Variants in ZBTB7C observed in about 807,000 individuals in gnomAD.
ZBTB7C encodes the protein zinc finger and BTB domain containing 7C.
Under a neutral mutation model 25.7 loss-of-function variants are expected in ZBTB7C, and 8 were observed. That is an observed-to-expected ratio of 0.31 (90% CI 0.18 to 0.56). ZBTB7C has a LOEUF of 0.56. Among genes scored for constraint, ZBTB7C ranks in the 20% least tolerant of loss-of-function variants. The pLI is 0.91. For missense variants in ZBTB7C, 824 were observed against 855.2 expected (o/e 0.96, Z 0.46); for synonymous variants, 394 against 369.0 (o/e 1.07, Z -0.78).
chr18:48,156,365 AC>A (rs151290052), intron 3 of ZBTB7C, among the ~76,000 whole-genome samples: 5,648 of 152,276 alleles, frequency 0.037, 311 homozygotes, highest in African/African-American at 0.12. Context: ...GTCTTCACTA[AC>A]CCACAATGCG....
chr18:48,177,583 G>T (rs1465352153), intron 3 of ZBTB7C, among the ~76,000 whole-genome samples: 1 of 152,128 alleles, frequency 6.6e-6, no homozygotes, highest in African/African-American at 2.4e-5. Flanking sequence ...ATACGCATGT[G>T]TGTGTTTGTG....
chr18:48,288,639 A>T (rs1177462142), intron 2 of ZBTB7C, among the ~76,000 whole-genome samples: 1 of 152,204 alleles, frequency 6.6e-6, no homozygotes. Flanking sequence ...CTAGGCAACA[A>T]GAGTGAAACT....
At chr18:48,285,181 A>G (rs2045005833) in intron 2 of ZBTB7C, among the ~76,000 whole-genome samples, 1 of 152,202 alleles carries the variant, frequency 6.6e-6, no homozygotes, top group African/African-American at 2.4e-5. Context: ...TGAACCTTTT[A>G]TAGTCTTACT....
At chr18:48,240,393 A>T (rs562585790) in intron 2 of ZBTB7C, among the ~76,000 whole-genome samples, 1 of 152,236 alleles carries the variant, frequency 6.6e-6, no homozygotes, top group Non-Finnish European at 1.5e-5. Context: ...GCACATAGTC[A>T]TCAGGTTATC....
intron 3 of ZBTB7C, among the ~76,000 whole-genome samples, chr18:48,065,925 G>A (rs1042748016): frequency 1.3e-5 from 2 of 152,174 alleles, no homozygotes; most frequent in East Asian, 1.9e-4. Flanking sequence ...TTAGCTCAGG[G>A]TCAGGACTTG....
chr18:48,027,762 G>A lies in ZBTB7C; in HGVS notation c.*1498C>T, dbSNP rs1037097437. ...ACTCCAGCCCTGGGCTCTCCCTGGG[G>A]ACGAACCCTCCTCCTCTCTGGGCTG... On this transcript the variant is annotated 3_prime_UTR_variant, in exon 5 of 5. Transcript: ENST00000590800. 6.6e-6 allele frequency: 1 copy of A among 152,210 alleles called. No individual in the cohort carries two copies. The highest frequency in any genetic ancestry group is 1.9e-4 in the East Asian group (1 of 5,186). The allele number at this position is 152,210 out of a possible 1,614,324, so 9.4% of individuals were successfully genotyped here.
intron 2 of ZBTB7C, among the ~76,000 whole-genome samples, chr18:48,326,948 A>T (rs543489465): frequency 6.6e-6 from 1 of 152,366 alleles, no homozygotes; most frequent in South Asian, 2.1e-4. Flanking sequence ...AAAGTCCTGC[A>T]GGTGCAAGAG....
rs146946439 is a variant in ZBTB7C at position 48,406,817 on chromosome 18, T to C, written c.-304+2409A>G. Among the ~76,000 whole-genome samples, 47 of 152,358 alleles carry C rather than the reference T, an allele frequency of 3.1e-4. No homozygotes were observed. The East Asian group carries it at 9.1e-3, about 29-fold the overall frequency. The stretch of plus-strand genomic sequence containing the variant: ...TGCATCCAGCTTATTTTCATAAAAT[T>C]CTGCTGGACTGTATATGACATTATA... On this transcript the variant is annotated intron_variant, in intron 1 of 4. Coordinates refer to ENST00000590800, the MANE Select transcript of ZBTB7C (RefSeq NM_001318841.2).
chr18:48,315,977 C>T (rs1321354581), intron 2 of ZBTB7C, among the ~76,000 whole-genome samples: 1 of 152,166 alleles, frequency 6.6e-6, no homozygotes, highest in Admixed American at 6.5e-5. Context: ...ACTGTCCTCA[C>T]TCCTCTTGTC....
chr18:48,407,217 A>C (rs1179303970), intron 1 of ZBTB7C, among the ~76,000 whole-genome samples: 1 of 152,246 alleles, frequency 6.6e-6, no homozygotes, highest in Non-Finnish European at 1.5e-5. Context: ...AATATCTGTA[A>C]AATCTAATTA....
chr18:48,204,289 T>C (rs2042527736), intron 2 of ZBTB7C, among the ~76,000 whole-genome samples: 1 of 152,154 alleles, frequency 6.6e-6, no homozygotes, highest in African/African-American at 2.4e-5. Context: ...AGTCTCTCAC[T>C]CCAGCCTCCC....
chr18:48,311,024 T>C (rs28437889), intron 2 of ZBTB7C, among the ~76,000 whole-genome samples: 3 of 152,060 alleles, frequency 2.0e-5, no homozygotes, highest in African/African-American at 7.2e-5. Context: ...CCCAGATTTA[T>C]TCAATCGACA....
intron 1 of ZBTB7C, among the ~76,000 whole-genome samples, chr18:48,387,021 G>C (rs577236641): frequency 1.3e-5 from 2 of 152,192 alleles, no homozygotes; most frequent in African/African-American, 2.4e-5. Flanking sequence ...GGAGTAGGAG[G>C]CATGTGTGGT....
At chr18:48,186,127 G>A (rs2042047326) in intron 2 of ZBTB7C, 132 bp from the exon 3 acceptor site, 1 of 152,530 alleles carries the variant, frequency 6.6e-6, no homozygotes, top group Non-Finnish European at 1.5e-5. Flanking sequence ...CCCCTCCCCA[G>A]GCACACTGCA....
intron 3 of ZBTB7C, among the ~76,000 whole-genome samples, chr18:48,095,733 A>AAAATG (rs940850668): frequency 9.2e-5 from 14 of 151,696 alleles, no homozygotes; most frequent in African/African-American, 3.4e-4. Context: ...AAAATAAAAT[A>AAAATG]AAATAAAATA....
rs181153107 is a variant in ZBTB7C, at chr18:48,084,447, C to T, written c.-16-43324G>A. On this transcript the variant is annotated intron_variant, in intron 3 of 4. Coordinates refer to ENST00000590800, the MANE Select transcript of ZBTB7C (RefSeq NM_001318841.2). The stretch of plus-strand genomic sequence containing the variant: ...GCTCTGGGTTGACTCACAGCAGTGG[C>T]GGCAGGTGGCTCTTGAGGTCCCTGC... Among the ~76,000 whole-genome samples the T allele has an allele frequency of 6.9e-4, 105 of 152,310 alleles. 1 individual carries two copies. In the South Asian group the frequency reaches 0.015, roughly 22 times the overall value.
intron 3 of ZBTB7C, among the ~76,000 whole-genome samples, chr18:48,110,871 G>C (rs1598897149): frequency 6.6e-6 from 1 of 152,194 alleles, no homozygotes; most frequent in Non-Finnish European, 1.5e-5. Context: ...GCATAGTCTA[G>C]CTATGAGCAA....
At chr18:48,038,516 A>C (rs2036072242) in intron 4 of ZBTB7C, among the ~76,000 whole-genome samples, 1 of 151,956 alleles carries the variant, frequency 6.6e-6, no homozygotes, top group African/African-American at 2.4e-5. Flanking sequence ...GCAACCCAGA[A>C]GAACAGGTCT....
intron 3 of ZBTB7C, among the ~76,000 whole-genome samples, chr18:48,101,491 C>T (rs906221670): frequency 2.6e-5 from 4 of 152,148 alleles, no homozygotes; most frequent in African/African-American, 9.7e-5. Context: ...TTTCACACCA[C>T]ATCTTATAGC....
Sources: gnomAD v4.1 joint callset for allele counts (sites outside exome capture counted in the v4.1 genomes callset) on GRCh38, gnomAD v4.1.1 for gene constraint, MANE v1.5 for transcripts, NCBI Gene and HGNC (gene_info 2026-07-23, HGNC 2026-07-21) for gene names.